The following STIM1 variants were observed in gnomAD, a reference collection of about 807,000 sequenced individuals.
The protein encoded by STIM1 is stromal interaction molecule 1.
A neutral mutation model predicts 74.7 loss-of-function variants in STIM1; 25 were observed. That is an observed-to-expected ratio of 0.33 (90% CI 0.24 to 0.47). The LOEUF is 0.47. Ranked by LOEUF, STIM1 falls within the 20% of genes least tolerant of loss-of-function variation. The probability of loss-of-function intolerance (pLI) is 1.00; values close to 1 mark genes in which losing one functional copy is unlikely to be tolerated. For synonymous variants in STIM1, 328 were observed against 348.8 expected (o/e 0.94, Z 0.66); for missense variants, 728 against 920.8 (o/e 0.79, Z 2.71).
chr11:4,005,289 T>C lies in STIM1; in HGVS notation c.271-18584T>C, dbSNP rs188741628. Reference sequence around the variant, plus strand: ...CTATAAAGACACATGCACGCGTATGTTTATTGTGGCAGTATTCACAATAGC... The same window carrying C: ...CTATAAAGACACATGCACGCGTATGCTTATTGTGGCAGTATTCACAATAGC... On this transcript the variant is annotated intron_variant, in intron 2 of 12. Coordinates refer to ENST00000526596, the MANE Select transcript of STIM1 (RefSeq NM_001382567.1). 9.3e-3 allele frequency among the ~76,000 whole-genome samples: 1,421 copies of C among 152,322 alleles called. 25 individuals carry two copies. Among genetic ancestry groups the C allele is most frequent in the African/African-American group, 0.032 (1,343 of 41,564 alleles).
At chr11:3,981,865 C>T (rs554282832) in intron 2 of STIM1, among the ~76,000 whole-genome samples, 2 of 152,292 alleles carry the variant, frequency 1.3e-5, no homozygotes, top group South Asian at 4.1e-4. Context: ...AAGGAAAACA[C>T]TGAGAATGCC....
At chr11:4,084,904 C>G in intron 11 of STIM1, 139 bp downstream of exon 11, 1 of 612,986 alleles carries the variant, frequency 1.6e-6, no homozygotes, top group Non-Finnish European at 2.6e-6. Flanking sequence ...TCCCTACTAA[C>G]TACAGGGAGG....
rs1028214511 is a variant in STIM1 at position 4,084,760 on chromosome 11, A to T, written c.1562A>T (p.Tyr521Phe). ...AGSDDQSLWK[Y>F]PAPSLQSSVR... ...TCGGATGATCAGTCCCTCTGGAAAT[A>T]CCCCGGTTTGAGGAGCCCCTTTGGG... The change falls in exon 11 of 13, where the codon TAC becomes TTC. Residue 521 changes from tyrosine (Y) to phenylalanine (F), a missense_variant. By Grantham distance (22) the Tyr-to-Phe change is conservative. Around this residue, in one of 5 missense-constraint regions of STIM1, gnomAD observed 352 missense variants for 370.1 expected, o/e 0.95. Coordinates refer to ENST00000526596, the MANE Select transcript of STIM1 (RefSeq NM_001382567.1). 158 of 1,289,042 alleles carry T rather than the reference A, an allele frequency of 1.2e-4. No individual in the cohort carries two copies. Among genetic ancestry groups the T allele is most frequent in the Non-Finnish European group, 1.5e-4 (145 of 988,854 alleles). The allele number at this position is 1,289,042 out of a possible 1,614,324, so 79.9% of individuals were successfully genotyped here.
intron 2 of STIM1, chr11:3,973,007 T>A (rs1565132778): frequency 2.0e-6 from 1 of 499,854 alleles, no homozygotes. Flanking sequence ...CCAACAAAGC[T>A]GCTTCTGCCT....
intron 1 of STIM1, among the ~76,000 whole-genome samples, chr11:3,873,512 G>A (rs2091204649): frequency 1.3e-5 from 2 of 150,638 alleles, no homozygotes; most frequent in Admixed American, 1.3e-4. Context: ...AGCGATCCTC[G>A]CACCTCGGCC....
At chr11:3,908,376 G>A (rs1451392028) in intron 1 of STIM1, among the ~76,000 whole-genome samples, 2 of 152,192 alleles carry the variant, frequency 1.3e-5, no homozygotes, top group African/African-American at 4.8e-5. Context: ...ACTTTGGGAG[G>A]CCAAGGCAGG....
chr11:3,904,153 C>T (rs184651648), intron 1 of STIM1, among the ~76,000 whole-genome samples: 75 of 134,352 alleles, frequency 5.6e-4, no homozygotes, highest in African/African-American at 1.8e-3. Context: ...GCCGAGATCG[C>T]TCCACTGTAC....
intron 7 of STIM1, among the ~76,000 whole-genome samples, chr11:4,079,400 C>A (rs2094453448): frequency 6.6e-6 from 1 of 151,726 alleles, no homozygotes; most frequent in African/African-American, 2.4e-5. Context: ...GTAGTGAAAC[C>A]CCGTCTCTAC....
chr11:4,059,213 G>A, intron 4 of STIM1, 68 bp from the exon 5 acceptor site: 1 of 1,359,232 alleles, frequency 7.4e-7, no homozygotes, highest in Non-Finnish European at 1.1e-6. Context: ...GGGGAGGCGG[G>A]TAATCCTACC....
intron 2 of STIM1, among the ~76,000 whole-genome samples, chr11:4,016,219 A>T (rs1034313305): frequency 1.3e-5 from 2 of 152,074 alleles, no homozygotes; most frequent in African/African-American, 2.4e-5. Flanking sequence ...TGACCTACAG[A>T]TGGGGTTTTG....
intron 1 of STIM1, among the ~76,000 whole-genome samples, chr11:3,904,034 TA>T (rs2092412232): frequency 6.6e-6 from 1 of 151,590 alleles, no homozygotes; most frequent in African/African-American, 2.4e-5. Context: ...CCATCTCTAC[TA>T]AAAATACAAA....
At chr11:3,911,063 C>T (rs939277225) in intron 1 of STIM1, among the ~76,000 whole-genome samples, 4 of 152,160 alleles carry the variant, frequency 2.6e-5, no homozygotes, top group Non-Finnish European at 5.9e-5. Context: ...GGGATTTGGC[C>T]TGGATTTGCC....
At chr11:3,912,340 C>G (rs1273555727) in intron 1 of STIM1, among the ~76,000 whole-genome samples, 2 of 149,656 alleles carry the variant, frequency 1.3e-5, no homozygotes, top group Non-Finnish European at 3.0e-5. Flanking sequence ...ACAATAACTG[C>G]AAACTTCAGT....
chr11:3,935,123 T>C (rs2092917003), intron 1 of STIM1, among the ~76,000 whole-genome samples: 1 of 152,256 alleles, frequency 6.6e-6, no homozygotes, highest in Non-Finnish European at 1.5e-5. Flanking sequence ...ATTCATCTTT[T>C]AAATTGGCTC....
In STIM1 at chr11:3,918,728, A is replaced by G. The variant is rs149487686; in HGVS notation, c.140-48824A>G. ...ATTCTACTCATGGAACCCAGGGGTC[A>G]GGGTCAGCTTCCCTGGAACCATGTG... On this transcript the variant is annotated intron_variant, in intron 1 of 12. Transcript: ENST00000526596. Among the ~76,000 whole-genome samples the G allele has an allele frequency of 7.9e-5, 12 of 152,272 alleles. No homozygotes were observed. The East Asian group carries it at 2.3e-3, about 29-fold the overall frequency.
At chr11:3,893,926 C>T (rs2091975628) in intron 1 of STIM1, among the ~76,000 whole-genome samples, 2 of 152,182 alleles carry the variant, frequency 1.3e-5, no homozygotes, top group South Asian at 2.1e-4. Context: ...ACTACAGGCA[C>T]GTACCACCAT....
Position 3,998,399 on chromosome 11 carries a change from CT to C in STIM1, c.271-25469del, listed in dbSNP as rs2093681819. The stretch of plus-strand genomic sequence containing the variant: ...TTAGATAGGCTGACAATTTGGGGAC[CT>C]TTTTCTTTCTTCTATTCAATAGACA... On this transcript the variant is annotated intron_variant, in intron 2 of 12. Transcript: ENST00000526596. Among the ~76,000 whole-genome samples, 5 of 152,096 alleles carry C rather than the reference CT, an allele frequency of 3.3e-5. No individual in the cohort carries two copies. The South Asian group carries it at 8.3e-4, about 25-fold the overall frequency.
intron 1 of STIM1, among the ~76,000 whole-genome samples, chr11:3,887,152 G>A (rs2091741275): frequency 6.6e-6 from 1 of 152,158 alleles, no homozygotes; most frequent in Non-Finnish European, 1.5e-5. Flanking sequence ...TTGGTAATAA[G>A]AGAGGAGGCT....
At chr11:4,073,248 G>C (rs1282755069) in intron 6 of STIM1, among the ~76,000 whole-genome samples, 2 of 150,286 alleles carry the variant, frequency 1.3e-5, no homozygotes, top group African/African-American at 2.5e-5. Context: ...GTAACCTGGT[G>C]GTTTTTACTT....
Sources: allele counts gnomAD v4.1 joint callset (sites outside exome capture counted in the v4.1 genomes callset), GRCh38; gene constraint gnomAD v4.1.1; regional missense constraint gnomAD v4.1.1; transcripts MANE v1.5; gene names NCBI Gene and HGNC (gene_info 2026-07-23, HGNC 2026-07-21).